ZDHHC23: variants seen among roughly 807,000 people sequenced by gnomAD.
The protein encoded by ZDHHC23 is palmitoyltransferase ZDHHC23.
Under a neutral mutation model 40.2 loss-of-function variants are expected in ZDHHC23, and 41 were observed. The observed-to-expected ratio is 1.02, with a 90% CI of 0.79 to 1.32. ZDHHC23 has a LOEUF of 1.32. ZDHHC23 is among the 40% of genes most tolerant of loss of function. The pLI is 0.00. For missense variants in ZDHHC23, 471 were observed against 541.5 expected (o/e 0.87, Z 1.29); for synonymous variants, 204 against 210.2 (o/e 0.97, Z 0.26).
At chr3:113,978,415 A>G in the ZDHHC23 span, 2 of 1,377,284 alleles carry the variant, frequency 1.5e-6, no homozygotes, top group Non-Finnish European at 2.0e-6. Flanking sequence ...CAAAAGACAG[A>G]AATGAAACAA....
chr3:113,959,733 G>A lies in ZDHHC23; in HGVS notation c.*1103G>A. 1 of 1,082,082 alleles carries A rather than the reference G, an allele frequency of 9.2e-7. No individual in the cohort carries two copies. Among genetic ancestry groups the A allele is most frequent in the Non-Finnish European group, 1.1e-6 (1 of 874,628 alleles). 67.0% of individuals were successfully genotyped at this position (1,082,082 alleles called of 1,614,324 possible). ...ATTCTGGTATGAACTTTGAGGAGTT[G>A]AGTGACATCTTCCCACTTAACTTGC... is the stretch of plus-strand genomic sequence containing the variant. On this transcript the variant is annotated 3_prime_UTR_variant, in exon 5 of 5. Transcript: ENST00000638807.
Position 113,948,697 on chromosome 3 carries a change from T to TA in ZDHHC23, c.-104dup. ...TTTTGATTGCTCAGGCGTTGGAGGT[T>TA]AAGCAGAGAGAGAGAGGCGTGGACC... On this transcript the variant is annotated 5_prime_UTR_variant, in exon 2 of 5. Transcript: ENST00000638807. 1 of 1,367,382 alleles carries TA rather than the reference T, an allele frequency of 7.3e-7. No homozygotes were observed. Among genetic ancestry groups the TA allele is most frequent in the Non-Finnish European group, 1.0e-6 (1 of 991,538 alleles). The allele number at this position is 1,367,382 out of a possible 1,614,324, so 84.7% of individuals were successfully genotyped here.
At chr3:113,978,159 G>A in the ZDHHC23 span, 1 of 1,612,626 alleles carries the variant, frequency 6.2e-7, no homozygotes, top group Middle Eastern at 1.7e-4. Flanking sequence ...GTCAGAGAGT[G>A]AATTTTCCTC....
the ZDHHC23 span, among the ~76,000 whole-genome samples, chr3:113,976,998 G>A: frequency 3.4e-4 from 52 of 152,298 alleles, no homozygotes; most frequent in African/African-American, 1.3e-3. Flanking sequence ...AGGACAAACA[G>A]GTTTTGGTGG....
chr3:113,953,278 T>C (rs934597865), intron 2 of ZDHHC23, among the ~76,000 whole-genome samples: 3 of 152,244 alleles, frequency 2.0e-5, no homozygotes, highest in Admixed American at 2.0e-4. Context: ...CCCAGAAGTA[T>C]TGATGCTAGT....
downstream of ZDHHC23, chr3:113,965,308 C>G (rs1362872030): frequency 6.2e-7 from 1 of 1,610,764 alleles, no homozygotes; most frequent in African/African-American, 1.3e-5. Flanking sequence ...TTTCCTCTTT[C>G]ATAAATTTTA....
At chr3:113,973,476 T>G in the ZDHHC23 span, among the ~76,000 whole-genome samples, 14 of 152,198 alleles carry the variant, frequency 9.2e-5, no homozygotes, top group East Asian at 1.2e-3. Context: ...CTTTAACATT[T>G]CTTGTAAGAT....
chr3:113,965,310 T>C (rs779967566), downstream of ZDHHC23: 1 of 1,610,870 alleles, frequency 6.2e-7, no homozygotes, highest in Admixed American at 1.7e-5. Context: ...TCCTCTTTCA[T>C]AAATTTTACA....
At position 113,960,483 on chromosome 3, in the gene ZDHHC23, T is replaced by C. The variant is rs1939606496; in HGVS notation, c.*1853T>C. 2.9e-6 allele frequency: 4 copies of C among 1,398,182 alleles called. No homozygotes were observed. The African/African-American group carries it at 6.0e-5, about 21-fold the overall frequency. The allele number at this position is 1,398,182 out of a possible 1,614,324, so 86.6% of individuals were successfully genotyped here. On this transcript the variant is annotated 3_prime_UTR_variant, in exon 5 of 5. Transcript: ENST00000638807. ...GTAATAATGTCAAGGATAGCCTGTG[T>C]GGGCAGAAATTGGTAGTCGTGCTTT... is the stretch of plus-strand genomic sequence containing the variant.
chr3:113,976,036 T>C, the ZDHHC23 span, among the ~76,000 whole-genome samples: 1 of 152,132 alleles, frequency 6.6e-6, no homozygotes, highest in Non-Finnish European at 1.5e-5. Flanking sequence ...GGTGGGCAGA[T>C]TCCTTGAGGC....
chr3:113,963,598 A>G (rs1939845767), downstream of ZDHHC23, among the ~76,000 whole-genome samples: 3 of 149,652 alleles, frequency 2.0e-5, no homozygotes, highest in South Asian at 6.4e-4. Context: ...AAAAAAAAAA[A>G]AGTTAGCTGG....
chr3:113,951,771 A>G (rs539543622), intron 2 of ZDHHC23, among the ~76,000 whole-genome samples: 44 of 152,314 alleles, frequency 2.9e-4, no homozygotes, highest in African/African-American at 1.0e-3. Context: ...CTCATTTGTT[A>G]CAATATAGAC....
rs2107527474 is a variant in ZDHHC23, at chr3:113,962,424, T to C, written c.*3794T>C. The C allele has an allele frequency of 6.6e-6, 1 of 152,362 alleles. No homozygotes were observed. Among genetic ancestry groups the C allele is most frequent in the East Asian group, 1.9e-4 (1 of 5,190 alleles). 9.4% of individuals were successfully genotyped at this position (152,362 alleles called of 1,614,324 possible). On this transcript the variant is annotated 3_prime_UTR_variant, in exon 5 of 5. Transcript: ENST00000638807. ...GAGGCTGCGATGTCTAGGTTGGGCT[T>C]GTGACTTCTTAGTGGCCTAGCCTTC...
the ZDHHC23 span, among the ~76,000 whole-genome samples, chr3:113,976,938 G>A: frequency 2.6e-5 from 4 of 152,274 alleles, no homozygotes; most frequent in African/African-American, 9.6e-5. Context: ...TAATCAACTT[G>A]CTTATCTGTT....
rs1447219548 is a variant in ZDHHC23 at position 113,961,032 on chromosome 3, T to C, written c.*2402T>C. 1 of 344,002 alleles carries C rather than the reference T, an allele frequency of 2.9e-6. No homozygotes were observed. The highest frequency in any genetic ancestry group is 5.2e-6 in the Non-Finnish European group (1 of 193,032). The allele number at this position is 344,002 out of a possible 1,614,324, so 21.3% of individuals were successfully genotyped here. ...TGGAACTATTTGAGGGGTTTCATTA[T>C]AGGCCTTGGTTCTCTCCAGGGGCCA... is the stretch of plus-strand genomic sequence containing the variant. On this transcript the variant is annotated 3_prime_UTR_variant, in exon 5 of 5. Coordinates refer to ENST00000638807, the MANE Select transcript of ZDHHC23 (RefSeq NM_001320466.2).
At chr3:113,966,869 C>T (rs1374614265), downstream of ZDHHC23, among the ~76,000 whole-genome samples, 1 of 151,938 alleles carries the variant, frequency 6.6e-6, no homozygotes, top group East Asian at 1.9e-4. Context: ...GAGGTTGAGG[C>T]GGGTGACTCA....
the ZDHHC23 span, chr3:113,979,093 A>G: frequency 1.5e-6 from 2 of 1,297,546 alleles, no homozygotes; most frequent in East Asian, 2.5e-5. Flanking sequence ...AAATGATGCT[A>G]TAAAACACAT....
chr3:113,965,218 G>A, downstream of ZDHHC23: 9 of 1,611,516 alleles, frequency 5.6e-6, no homozygotes, highest in Non-Finnish European at 7.6e-6. Context: ...ATAGCTCGTG[G>A]TACCTTCCAG....
At chr3:113,954,461 C>T in intron 3 of ZDHHC23, 51 bp downstream of exon 3, 1 of 1,457,598 alleles carries the variant, frequency 6.9e-7, no homozygotes, top group African/African-American at 1.4e-5. Context: ...ATGTAAAACT[C>T]TAGTTACATT....
Sources: gnomAD v4.1 joint callset for allele counts (sites outside exome capture counted in the v4.1 genomes callset) on GRCh38, gnomAD v4.1.1 for gene constraint, MANE v1.5 for transcripts, NCBI Gene and HGNC (gene_info 2026-07-23, HGNC 2026-07-21) for gene names.